SCAF8: variants seen among roughly 807,000 people sequenced by gnomAD.
The protein encoded by SCAF8 is SR-related and CTD-associated factor 8.
A neutral mutation model predicts 140.5 loss-of-function variants in SCAF8; 23 were observed. The observed-to-expected ratio is 0.16, with a 90% confidence interval of 0.12 to 0.23. The LOEUF (loss-of-function observed/expected upper bound fraction) is 0.23. Ranked by LOEUF, SCAF8 falls within the 10% of genes least tolerant of loss-of-function variation. The probability of loss-of-function intolerance (pLI) is 1.00; values close to 1 mark genes in which losing one functional copy is unlikely to be tolerated. For missense variants in SCAF8, 1,397 were observed against 1,555.7 expected (o/e 0.90, Z 1.72); for synonymous variants, 575 against 528.9 (o/e 1.09, Z -1.20).
chr6:154,791,236 T>TAA (rs1285562224), intron 4 of SCAF8, among the ~76,000 whole-genome samples: 1 of 152,184 alleles, frequency 6.6e-6, no homozygotes, highest in Non-Finnish European at 1.5e-5. Context: ...TTTTTCTAGT[T>TAA]ACCAAGTTTT....
Position 154,833,109 on chromosome 6 carries a change from G to A in SCAF8, c.3530G>A (p.Arg1177His), listed in dbSNP as rs1056240217. 5 of 1,613,994 alleles carry A rather than the reference G, an allele frequency of 3.1e-6. No individual in the cohort carries two copies. The African/African-American group carries it at 4.0e-5, about 13-fold the overall frequency. Residue 1177 changes from arginine to histidine, a missense_variant, in exon 20 of 20, where the codon CGT (arginine) becomes CAT (histidine). Arg to His is a conservative substitution (Grantham distance 29). Around this residue, in one of 5 missense-constraint regions of SCAF8, gnomAD observed 930 missense variants for 874.6 expected, o/e 1.06. Coordinates refer to ENST00000367178, the MANE Select transcript of SCAF8 (RefSeq NM_014892.5). ...TTCTGCAGAGAAATGAATGGAAATC[G>A]TCTTGGACGAGACAGAATTCAAAAC... ...FDFCREMNGN[R>H]LGRDRIQNTW...
chr6:154,754,654 C>G (rs1289138200), intron 1 of SCAF8, among the ~76,000 whole-genome samples: 1 of 152,170 alleles, frequency 6.6e-6, no homozygotes, highest in Non-Finnish European at 1.5e-5. Flanking sequence ...TATTGTTTTT[C>G]TCATGCAGCT....
chr6:154,752,685 A>G (rs1431154034), intron 1 of SCAF8, among the ~76,000 whole-genome samples: 2 of 152,224 alleles, frequency 1.3e-5, no homozygotes, highest in African/African-American at 2.4e-5. Flanking sequence ...AGTTGAACAA[A>G]CAGCAGACAG....
Position 154,733,710 on chromosome 6 carries a change from C to T in SCAF8, c.-191C>T, listed in dbSNP as rs936826275. 4 of 1,317,816 alleles carry T rather than the reference C, an allele frequency of 3.0e-6. No homozygotes were observed. Among genetic ancestry groups the T allele is most frequent in the Middle Eastern group, 2.9e-4 (1 of 3,506 alleles). 81.6% of individuals were successfully genotyped at this position (1,317,816 alleles called of 1,614,324 possible). A position where few individuals can be genotyped will look rare whatever the true frequency, so the allele number is the denominator to read the frequency against. On this transcript the variant is annotated 5_prime_UTR_variant, in exon 1 of 20. Transcript: ENST00000367178. ...CCCGCCCTAGCGGCCATGCCGGTGC[C>T]GCTCTGCCGCTGAGGGAGCCCTTCC... is the stretch of plus-strand genomic sequence containing the variant.
At chr6:154,817,546 A>C (rs981097948) in intron 13 of SCAF8, among the ~76,000 whole-genome samples, 2 of 152,204 alleles carry the variant, frequency 1.3e-5, no homozygotes, top group Non-Finnish European at 2.9e-5. Context: ...TGAAGAGAGT[A>C]AAGTATTTTC....
chr6:154,770,386 A>T (rs967738409), intron 1 of SCAF8, among the ~76,000 whole-genome samples: 20 of 133,498 alleles, frequency 1.5e-4, no homozygotes, highest in African/African-American at 2.2e-4. Flanking sequence ...ACACACACAC[A>T]CACTCTCTCT....
chr6:154,763,679 T>TA (rs563694594), intron 1 of SCAF8, among the ~76,000 whole-genome samples: 2 of 152,228 alleles, frequency 1.3e-5, no homozygotes, highest in South Asian at 4.1e-4. Flanking sequence ...GAGTTTCATT[T>TA]AATGCATAGA....
rs371577197 is a variant in SCAF8 at position 154,800,335 on chromosome 6, G to C, written c.607-1636G>C. Among the ~76,000 whole-genome samples the C allele has an allele frequency of 1.1e-3, 171 of 151,606 alleles. 2 individuals carry two copies. The highest frequency in any genetic ancestry group is 3.9e-3 in the African/African-American group (161 of 41,502). ...TTCAATATGTTTTTGTGGAATGAATGAATGATGTACAAAAGCATTACAGTG... is the reference window on the plus strand; with the variant it reads ...TTCAATATGTTTTTGTGGAATGAATCAATGATGTACAAAAGCATTACAGTG... On this transcript the variant is annotated intron_variant, in intron 6 of 19. Coordinates refer to ENST00000367178, the MANE Select transcript of SCAF8 (RefSeq NM_014892.5).
At chr6:154,790,322 C>G (rs1777377190) in intron 4 of SCAF8, among the ~76,000 whole-genome samples, 1 of 152,022 alleles carries the variant, frequency 6.6e-6, no homozygotes. Flanking sequence ...ATGAAGCAGT[C>G]TCTAATTTTC....
chr6:154,785,394 C>G (rs957451224), intron 3 of SCAF8, among the ~76,000 whole-genome samples: 1 of 152,180 alleles, frequency 6.6e-6, no homozygotes, highest in Non-Finnish European at 1.5e-5. Context: ...CATTTCTTCA[C>G]CATGGCTAGA....
chr6:154,780,927 A>G (rs1304777322), intron 3 of SCAF8, among the ~76,000 whole-genome samples: 1 of 152,088 alleles, frequency 6.6e-6, no homozygotes, highest in African/African-American at 2.4e-5. Context: ...TTCTGGTTCT[A>G]GATCCTTGAG....
chr6:154,795,335 T>C (rs1293815005), intron 6 of SCAF8, among the ~76,000 whole-genome samples, 196 bp downstream of exon 6: 2 of 152,214 alleles, frequency 1.3e-5, no homozygotes, highest in African/African-American at 2.4e-5. Context: ...AAAATTACTT[T>C]ATAAAAATTT....
At chr6:154,768,662 A>G (rs1458902098) in intron 1 of SCAF8, among the ~76,000 whole-genome samples, 1 of 152,234 alleles carries the variant, frequency 6.6e-6, no homozygotes, top group Admixed American at 6.5e-5. Context: ...CATTCATGAC[A>G]TGCCTTTTTT....
intron 12 of SCAF8, among the ~76,000 whole-genome samples, chr6:154,810,912 A>AT (rs1004800741): frequency 5.3e-5 from 8 of 152,208 alleles, no homozygotes; most frequent in Admixed American, 5.2e-4. Flanking sequence ...AGAGCTAAAC[A>AT]TTGATTGTGT....
chr6:154,760,450 A>G (rs1779073781), intron 1 of SCAF8, among the ~76,000 whole-genome samples: 1 of 152,194 alleles, frequency 6.6e-6, no homozygotes, highest in Admixed American at 6.5e-5. Context: ...GAAAATAAAC[A>G]TCACTTCCCT....
intron 1 of SCAF8, among the ~76,000 whole-genome samples, chr6:154,747,927 T>TGC (rs1192889027): frequency 1.3e-5 from 2 of 149,854 alleles, no homozygotes; most frequent in Non-Finnish European, 2.9e-5. Context: ...TGTGTGTGTG[T>TGC]GTGTGTGTGT....
chr6:154,779,781 GTATATATATATA>G (rs59234248), intron 3 of SCAF8, among the ~76,000 whole-genome samples: 1 of 144,270 alleles, frequency 6.9e-6, no homozygotes, highest in African/African-American at 2.7e-5. Flanking sequence ...GTGTGTGTGT[GTATATATATATA>G]TATATATACA....
At chr6:154,777,362 A>G (rs1238449509) in intron 2 of SCAF8, among the ~76,000 whole-genome samples, 1 of 152,074 alleles carries the variant, frequency 6.6e-6, no homozygotes, top group Non-Finnish European at 1.5e-5. Flanking sequence ...TATGAAACTT[A>G]AATCTTCTAA....
Position 154,793,815 on chromosome 6 carries a change from CAA to C in SCAF8, c.475+862_475+863del, listed in dbSNP as rs59257286. 6.2e-3 allele frequency among the ~76,000 whole-genome samples: 432 copies of C among 69,278 alleles called. 2 individuals are homozygous for C. The highest frequency in any genetic ancestry group is 0.03 in the South Asian group (49 of 1,636). 45.4% of individuals were successfully genotyped at this position (69,278 alleles called of 152,430 possible). A position where few individuals can be genotyped will look rare whatever the true frequency, so the allele number is the denominator to read the frequency against. ...GGGCAACAAGAGCAAAACTCTGTCT[CAA>C]AAAAAAAAAAAAAAAAAAAAAATTT... On this transcript the variant is annotated intron_variant, in intron 5 of 19. Coordinates refer to ENST00000367178, the MANE Select transcript of SCAF8 (RefSeq NM_014892.5).
Sources: allele counts gnomAD v4.1 joint callset (sites outside exome capture counted in the v4.1 genomes callset), GRCh38; gene constraint gnomAD v4.1.1; regional missense constraint gnomAD v4.1.1; transcripts MANE v1.5; gene names NCBI Gene and HGNC (gene_info 2026-07-23, HGNC 2026-07-21).